RFX7: variants seen among roughly 807,000 people sequenced by gnomAD.
RFX7 encodes regulatory factor X7, also known as DNA-binding protein RFX7.
Under a neutral mutation model 111.8 loss-of-function variants are expected in RFX7, and 26 were observed. The ratio of observed to expected loss-of-function variants is 0.23; its 90% confidence interval spans 0.17 to 0.32. The LOEUF is 0.32. Ranked by LOEUF, RFX7 falls within the 10% of genes least tolerant of loss-of-function variation. The pLI, the probability that RFX7 is intolerant of heterozygous loss-of-function variation, is 1.00. For missense variants in RFX7, 1,573 were observed against 1,772.9 expected (o/e 0.89, Z 2.02); for synonymous variants, 624 against 624.4 (o/e 1.00, Z 0.01).
intron 5 of RFX7, among the ~76,000 whole-genome samples, chr15:56,137,690 C>T (rs1470189911): frequency 1.3e-5 from 2 of 151,888 alleles, no homozygotes; most frequent in Non-Finnish European, 2.9e-5. Context: ...ATTTCTAGTT[C>T]TTTTAATTGT....
chr15:56,181,044 A>G (rs1279149379), intron 2 of RFX7, among the ~76,000 whole-genome samples: 1 of 152,222 alleles, frequency 6.6e-6, no homozygotes, highest in Non-Finnish European at 1.5e-5. Flanking sequence ...GCTACTCCCA[A>G]CAAAGTGGCC....
intron 2 of RFX7, among the ~76,000 whole-genome samples, chr15:56,230,695 G>T (rs763480397): frequency 2.0e-5 from 3 of 152,298 alleles, no homozygotes; most frequent in Non-Finnish European, 4.4e-5. Context: ...GTGATAAATT[G>T]TACAGAACTC....
At chr15:56,170,072 G>A (rs16976788) in intron 3 of RFX7, among the ~76,000 whole-genome samples, 30,005 of 152,056 alleles carry the variant, frequency 0.2, 3,390 homozygotes, top group East Asian at 0.44. Flanking sequence ...TTAAACCGCA[G>A]TATGTTTAAT....
intron 3 of RFX7, among the ~76,000 whole-genome samples, chr15:56,164,566 G>C (rs1249668214): frequency 1.3e-5 from 2 of 152,160 alleles, no homozygotes; most frequent in African/African-American, 4.8e-5. Context: ...TGAGAACTCA[G>C]GTACTACTGA....
At position 56,093,706 on chromosome 15, in the gene RFX7, T is replaced by C. The variant is rs756035089; in HGVS notation, c.4022A>G (p.Glu1341Gly). The change falls in exon 10 of 10, where the codon GAG (glutamate) becomes GGG (glycine). Residue 1341 changes from glutamate (E) to glycine (G), a missense_variant. This residue lies in a region of RFX7 where 411 missense variants were observed against 478.1 expected (regional missense o/e 0.86). Coordinates refer to ENST00000559447, the MANE Select transcript of RFX7 (RefSeq NM_022841.7). ...AGTGCTATTGAAATCTAATTGTTGC[T>C]CTCCAATTTCTGATTGTGCTTGATT... ...GDNQAQSEIG[E>G]QQLDFNSTVK... is the part of the protein sequence containing the mutation. 43 of 1,613,656 alleles carry C rather than the reference T, an allele frequency of 2.7e-5. No individual in the cohort carries two copies. Among genetic ancestry groups the C allele is most frequent in the Non-Finnish European group, 3.6e-5 (43 of 1,179,698 alleles).
chr15:56,115,916 T>C lies in RFX7; in HGVS notation c.402-12246A>G, dbSNP rs190243397. Among the ~76,000 whole-genome samples, 486 of 149,118 alleles carry C rather than the reference T, an allele frequency of 3.3e-3. 5 individuals carry two copies. The highest frequency in any genetic ancestry group is 0.012 in the African/African-American group (467 of 40,356). On this transcript the variant is annotated intron_variant, in intron 5 of 9. Coordinates refer to ENST00000559447, the MANE Select transcript of RFX7 (RefSeq NM_022841.7). ...GAGATCGTGCCACTGCACTCCAGCC[T>C]GGGCCAACAGAGCGAGACTCCGTCT...
intron 5 of RFX7, among the ~76,000 whole-genome samples, chr15:56,111,766 G>A (rs142385444): frequency 1.2e-3 from 179 of 151,690 alleles, no homozygotes; most frequent in African/African-American, 4.2e-3. Flanking sequence ...CAAAAACCTG[G>A]ATCCAGACAA....
chr15:56,127,697 G>A (rs560081616), intron 5 of RFX7, among the ~76,000 whole-genome samples: 14 of 151,682 alleles, frequency 9.2e-5, no homozygotes, highest in African/African-American at 2.4e-4. Context: ...ACAGGCGCGC[G>A]CCACCATGCC....
At chr15:56,209,792 A>C (rs1193840781) in intron 2 of RFX7, among the ~76,000 whole-genome samples, 1 of 151,874 alleles carries the variant, frequency 6.6e-6, no homozygotes, top group Non-Finnish European at 1.5e-5. Context: ...ACTCTAGGGC[A>C]AACACTAAAA....
chr15:56,181,923 G>A (rs1220844099), intron 2 of RFX7, among the ~76,000 whole-genome samples: 1 of 152,126 alleles, frequency 6.6e-6, no homozygotes, highest in Non-Finnish European at 1.5e-5. Flanking sequence ...TGTCACATCA[G>A]TGGCAACATT....
intron 2 of RFX7, 56 bp from the exon 3 acceptor site, chr15:56,179,359 A>G (rs1408730677): frequency 3.8e-6 from 3 of 789,460 alleles, no homozygotes; most frequent in African/African-American, 1.9e-5. Context: ...ACTATCTGCA[A>G]TATTCTCAAA....
intron 5 of RFX7, among the ~76,000 whole-genome samples, chr15:56,123,607 C>G (rs984240866): frequency 1.3e-5 from 2 of 152,208 alleles, no homozygotes; most frequent in African/African-American, 2.4e-5. Flanking sequence ...CCCAAGTCCA[C>G]TGGTTCCGAG....
At chr15:56,162,913 A>G (rs2042740161) in intron 3 of RFX7, among the ~76,000 whole-genome samples, 1 of 152,158 alleles carries the variant, frequency 6.6e-6, no homozygotes, top group African/African-American at 2.4e-5. Context: ...CTAAGTGAAT[A>G]GAAAGAAAAA....
intron 3 of RFX7, among the ~76,000 whole-genome samples, chr15:56,149,918 C>T (rs1189914544): frequency 1.3e-5 from 2 of 151,804 alleles, no homozygotes; most frequent in Admixed American, 6.6e-5. Flanking sequence ...TCTGGCTCAG[C>T]GGGTCCCACT....
intron 5 of RFX7, among the ~76,000 whole-genome samples, chr15:56,123,997 A>G (rs2042110132): frequency 6.6e-6 from 1 of 152,210 alleles, no homozygotes; most frequent in Non-Finnish European, 1.5e-5. Context: ...ACCAGGTACT[A>G]TGACCATTCA....
Position 56,090,175 on chromosome 15 carries a change from A to T in RFX7, c.*3170T>A, listed in dbSNP as rs559042816. The T allele has an allele frequency of 5.9e-5, 9 of 152,180 alleles. No individual in the cohort carries two copies. The highest frequency in any genetic ancestry group is 2.2e-4 in the African/African-American group (9 of 41,540). 9.4% of individuals were successfully genotyped at this position (152,180 alleles called of 1,614,324 possible). On this transcript the variant is annotated 3_prime_UTR_variant, in exon 10 of 10. Coordinates refer to ENST00000559447, the MANE Select transcript of RFX7 (RefSeq NM_022841.7). The stretch of plus-strand genomic sequence containing the variant: ...GCTTTTGAACACAGCTATGCTTAAA[A>T]TTTTCTCATTTTCTATTCAGAGCTC...
Position 56,093,941 on chromosome 15 carries a change from C to T in RFX7, c.3787G>A (p.Asp1263Asn), listed in dbSNP as rs373393894. 5 of 1,613,814 alleles carry T rather than the reference C, an allele frequency of 3.1e-6. No individual in the cohort carries two copies. The highest frequency in any genetic ancestry group is 3.4e-6 in the Non-Finnish European group (4 of 1,179,862). ...TTCATTCCCAAACCTCTCACTGCAT[C>T]ATCATTGTCGGAATCAAGTTTACTC... ...LLSKLDSDND[D>N]AVRGLGMNNL... Residue 1263 changes from aspartate (D) to asparagine (N), a missense_variant, in exon 10 of 10, where the codon GAT becomes AAT. By Grantham distance (23) the Asp-to-Asn change is conservative. Around this residue, in one of 7 missense-constraint regions of RFX7, gnomAD observed 411 missense variants for 478.1 expected, o/e 0.86. Transcript: ENST00000559447.
At chr15:56,123,063 G>C (rs1403774608) in intron 5 of RFX7, among the ~76,000 whole-genome samples, 1 of 151,916 alleles carries the variant, frequency 6.6e-6, no homozygotes, top group African/African-American at 2.4e-5. Context: ...ACTGTGGCTG[G>C]GCTGGCACCT....
intron 2 of RFX7, among the ~76,000 whole-genome samples, chr15:56,182,345 C>G (rs2042983633): frequency 6.6e-6 from 1 of 152,042 alleles, no homozygotes; most frequent in Admixed American, 6.6e-5. Context: ...GATGAGGGCC[C>G]TGGAATCACT....
Sources: gnomAD v4.1 joint callset for allele counts (sites outside exome capture counted in the v4.1 genomes callset) on GRCh38, gnomAD v4.1.1 for gene constraint, gnomAD v4.1.1 regional missense constraint, MANE v1.5 for transcripts, NCBI Gene and HGNC (gene_info 2026-07-23, HGNC 2026-07-21) for gene names.